The following KCNH8 variants were observed in gnomAD, a reference collection of about 807,000 sequenced individuals.
KCNH8 encodes voltage-gated delayed rectifier potassium channel KCNH8.
KCNH8 carries 70 observed loss-of-function variants against 103.6 expected under a neutral mutation model. That is an observed-to-expected ratio of 0.68 (90% CI 0.56 to 0.82). KCNH8 has a LOEUF of 0.82. Among genes scored for constraint, KCNH8 ranks in the 40% least tolerant of loss-of-function variants. The pLI is 0.00. For synonymous variants in KCNH8, 498 were observed against 489.4 expected (o/e 1.02, Z -0.23); for missense variants, 1,217 against 1,329.9 (o/e 0.92, Z 1.32).
rs1164284461 is a variant in KCNH8 at position 19,390,544 on chromosome 3, G to C, written c.875G>C (p.Arg292Thr). 2 of 1,612,996 alleles carry C rather than the reference G, an allele frequency of 1.2e-6. No homozygotes were observed. Among genetic ancestry groups the C allele is most frequent in the Non-Finnish European group, 1.7e-6 (2 of 1,179,418 alleles). ...SKSGQVIFEA[R>T]SICIHYVTTW... ...TCTGGCCAAGTTATCTTTGAAGCAAGATCAATTTGCATCCACTATGTCACA... is the reference window on the plus strand; with the variant it reads ...TCTGGCCAAGTTATCTTTGAAGCAACATCAATTTGCATCCACTATGTCACA... Residue 292 changes from arginine to threonine, a missense_variant, in exon 6 of 16, where the codon AGA (arginine) becomes ACA (threonine). By Grantham distance (71) the Arg-to-Thr change is moderately conservative (BLOSUM62 -1). This residue lies in a region of KCNH8 where 415 missense variants were observed against 577.4 expected (regional missense o/e 0.72). Transcript: ENST00000328405.
chr3:19,486,650 C>T (rs2068216975), intron 11 of KCNH8, among the ~76,000 whole-genome samples: 1 of 152,118 alleles, frequency 6.6e-6, no homozygotes, highest in African/African-American at 2.4e-5. Flanking sequence ...GGGCACAGGC[C>T]AACGTAAGTT....
intron 11 of KCNH8, among the ~76,000 whole-genome samples, chr3:19,462,485 GTTGT>G (rs555035778): frequency 1.1e-3 from 175 of 152,218 alleles, no homozygotes; most frequent in Non-Finnish European, 2.2e-3. Flanking sequence ...TTTTGATGGG[GTTGT>G]TTGTTTTTTT....
chr3:19,530,143 C>T (rs2069135213), intron 15 of KCNH8, among the ~76,000 whole-genome samples: 1 of 152,024 alleles, frequency 6.6e-6, no homozygotes, highest in South Asian at 2.1e-4. Context: ...ATGATGATTA[C>T]CAGAGGCTGG....
intron 11 of KCNH8, among the ~76,000 whole-genome samples, chr3:19,488,331 C>T (rs148108078): frequency 1.5e-4 from 23 of 152,328 alleles, no homozygotes; most frequent in Admixed American, 5.9e-4. Flanking sequence ...TTGGCGTTTC[C>T]GCCTGGCCTG....
chr3:19,389,429 T>G (rs909226990), intron 5 of KCNH8, among the ~76,000 whole-genome samples: 5 of 152,138 alleles, frequency 3.3e-5, no homozygotes, highest in African/African-American at 1.2e-4. Context: ...AGGGAAAGAT[T>G]GAAAACAATT....
intron 1 of KCNH8, among the ~76,000 whole-genome samples, chr3:19,170,440 A>AT (rs1280806469): frequency 6.6e-6 from 1 of 151,864 alleles, no homozygotes; most frequent in African/African-American, 2.4e-5. Flanking sequence ...AATTTAGAAC[A>AT]TTTTACAGTA....
intron 15 of KCNH8, among the ~76,000 whole-genome samples, chr3:19,520,947 C>T (rs1038138591): frequency 3.3e-5 from 5 of 152,038 alleles, no homozygotes; most frequent in Non-Finnish European, 7.4e-5. Context: ...TAATTACCTA[C>T]ATTCACAGAA....
intron 12 of KCNH8, among the ~76,000 whole-genome samples, chr3:19,512,210 T>A (rs537297406): frequency 3.3e-5 from 5 of 152,320 alleles, no homozygotes; most frequent in Admixed American, 3.3e-4. Flanking sequence ...TTCACTGCCC[T>A]GGCCCTTCCA....
chr3:19,276,175 A>ATGTGTGTGTGTG (rs59768467), intron 2 of KCNH8, among the ~76,000 whole-genome samples: 36 of 141,988 alleles, frequency 2.5e-4, no homozygotes, highest in African/African-American at 5.9e-4. Context: ...CAATATGTAT[A>ATGTGTGTGTGTG]TGTGTGTGTG....
chr3:19,264,081 G>A (rs565491273), intron 2 of KCNH8, among the ~76,000 whole-genome samples: 18 of 152,084 alleles, frequency 1.2e-4, no homozygotes, highest in Admixed American at 3.3e-4. Context: ...TGTTCTTTAT[G>A]TTTTGGCAAA....
At chr3:19,479,880 A>G (rs1383764493) in intron 11 of KCNH8, among the ~76,000 whole-genome samples, 1 of 152,200 alleles carries the variant, frequency 6.6e-6, no homozygotes, top group Non-Finnish European at 1.5e-5. Flanking sequence ...CTTTCTCTGA[A>G]TGGGAACACA....
chr3:19,496,097 G>A (rs1295875044), intron 11 of KCNH8, among the ~76,000 whole-genome samples: 1 of 152,156 alleles, frequency 6.6e-6, no homozygotes, highest in Non-Finnish European at 1.5e-5. Flanking sequence ...GAGCTTTTGG[G>A]CAGAGACTAT....
intron 5 of KCNH8, among the ~76,000 whole-genome samples, chr3:19,350,496 C>T (rs947578496): frequency 3.9e-5 from 6 of 152,094 alleles, no homozygotes; most frequent in African/African-American, 1.4e-4. Flanking sequence ...CAACTGACAC[C>T]TCATGCAGCT....
chr3:19,501,841 A>G (rs2068590394), intron 11 of KCNH8, among the ~76,000 whole-genome samples: 1 of 152,060 alleles, frequency 6.6e-6, no homozygotes, highest in East Asian at 1.9e-4. Flanking sequence ...CAAAAACTGG[A>G]AGCATTCCCT....
intron 1 of KCNH8, among the ~76,000 whole-genome samples, chr3:19,231,192 A>G (rs547308312): frequency 6.6e-6 from 1 of 152,260 alleles, no homozygotes; most frequent in African/African-American, 2.4e-5. Flanking sequence ...TGATTTATTA[A>G]TATATAATAT....
intron 2 of KCNH8, among the ~76,000 whole-genome samples, chr3:19,274,683 A>G (rs1245033705): frequency 6.6e-6 from 1 of 152,016 alleles, no homozygotes; most frequent in Non-Finnish European, 1.5e-5. Flanking sequence ...ATTATTAGAG[A>G]TTTCTGAGAG....
At chr3:19,331,328 T>C (rs1380546637) in intron 3 of KCNH8, among the ~76,000 whole-genome samples, 1 of 151,556 alleles carries the variant, frequency 6.6e-6, no homozygotes, top group Non-Finnish European at 1.5e-5. Context: ...AGTCTTGCTC[T>C]GTCGCCAGGC....
intron 1 of KCNH8, among the ~76,000 whole-genome samples, chr3:19,247,214 G>T (rs1461105562): frequency 6.6e-6 from 1 of 152,150 alleles, no homozygotes; most frequent in African/African-American, 2.4e-5. Flanking sequence ...GGTTAGAAAA[G>T]TTACCAAATA....
At chr3:19,216,459 T>C (rs543186750) in intron 1 of KCNH8, among the ~76,000 whole-genome samples, 1 of 152,364 alleles carries the variant, frequency 6.6e-6, no homozygotes, top group South Asian at 2.1e-4. Flanking sequence ...CAATATCTAC[T>C]AGTAATTCTT....
Sources: gnomAD v4.1 joint callset for allele counts (sites outside exome capture counted in the v4.1 genomes callset) on GRCh38, gnomAD v4.1.1 for gene constraint, gnomAD v4.1.1 regional missense constraint, MANE v1.5 for transcripts, NCBI Gene and HGNC (gene_info 2026-07-23, HGNC 2026-07-21) for gene names.